Variants in CAST observed in about 807,000 individuals in gnomAD.
The protein encoded by CAST is calpastatin.
In CAST, 76 loss-of-function variants were observed where a neutral mutation model predicts 119.6. That is an observed-to-expected ratio of 0.64 (90% CI 0.53 to 0.77). CAST has a LOEUF of 0.77. CAST is among the 30% of genes least tolerant of loss of function. The pLI, the probability that CAST is intolerant of heterozygous loss-of-function variation, is 0.00. For synonymous variants in CAST, 319 were observed against 331.6 expected, an observed-to-expected ratio of 0.96 and a Z score of 0.41; for missense variants, 953 against 946.5, an observed-to-expected ratio of 1.01 and a Z score of -0.09.
intron 1 of CAST, among the ~76,000 whole-genome samples, chr5:96,648,676 T>A (rs1748053163): frequency 6.6e-6 from 1 of 152,048 alleles, no homozygotes; most frequent in Non-Finnish European, 1.5e-5. Context: ...ACTTAGTACC[T>A]CTGCATTGTG....
At chr5:96,258,354 T>A in the CAST span, among the ~76,000 whole-genome samples, 1 of 152,208 alleles carries the variant, frequency 6.6e-6, no homozygotes, top group Non-Finnish European at 1.5e-5. Flanking sequence ...TATGATAATA[T>A]TTTCATTAAT....
intron 3 of CAST, among the ~76,000 whole-genome samples, chr5:96,718,000 A>T (rs1399001272): frequency 6.6e-6 from 1 of 152,184 alleles, no homozygotes. Context: ...GTGATAGGTG[A>T]TTAGACCTGG....
At chr5:96,691,026 C>T (rs1752664306) in intron 2 of CAST, among the ~76,000 whole-genome samples, 1 of 152,136 alleles carries the variant, frequency 6.6e-6, no homozygotes, top group Non-Finnish European at 1.5e-5. Flanking sequence ...TTACACAAAC[C>T]TAGATGGTAG....
At chr5:96,391,576 T>C in the CAST span, 1 of 152,236 alleles carries the variant, frequency 6.6e-6, no homozygotes. Context: ...TTTTTCCTAA[T>C]GCATTTACAC....
chr5:96,240,735 C>CTTTTTT, the CAST span, among the ~76,000 whole-genome samples: 49 of 102,308 alleles, frequency 4.8e-4, no homozygotes, highest in East Asian at 1.1e-3. Context: ...AGCTAACTTT[C>CTTTTTT]TTTTTTTTTT....
chr5:96,599,984 C>T (rs1580840796), intron 1 of CAST, among the ~76,000 whole-genome samples: 1 of 54,406 alleles, frequency 1.8e-5, no homozygotes, highest in Admixed American at 1.7e-4. Context: ...AAAAAAAAAA[C>T]CCTCAAGCTC....
the CAST span, among the ~76,000 whole-genome samples, chr5:96,437,805 T>G: frequency 6.6e-6 from 1 of 152,330 alleles, no homozygotes; most frequent in South Asian, 2.1e-4. Flanking sequence ...ATGACACTCC[T>G]CTGTGATATT....
At chr5:96,310,383 G>A in the CAST span, among the ~76,000 whole-genome samples, 3 of 152,074 alleles carry the variant, frequency 2.0e-5, no homozygotes, top group Admixed American at 6.6e-5. Context: ...AATATTTTCT[G>A]GTAGCTTTCT....
At chr5:96,196,895 G>A in the CAST span, among the ~76,000 whole-genome samples, 1 of 152,186 alleles carries the variant, frequency 6.6e-6, no homozygotes, top group East Asian at 1.9e-4. Flanking sequence ...CTAGCAGACT[G>A]TTACATTAGT....
chr5:96,737,812 A>T (rs1209463975), intron 10 of CAST, 37 bp from the exon 11 acceptor site: 1 of 1,224,970 alleles, frequency 8.2e-7, no homozygotes, highest in Admixed American at 1.9e-5. Context: ...AATATGTATA[A>T]CAAATAACAT....
intron 1 of CAST, among the ~76,000 whole-genome samples, chr5:96,627,395 T>C (rs1190986225): frequency 6.6e-6 from 1 of 152,220 alleles, no homozygotes; most frequent in Non-Finnish European, 1.5e-5. Flanking sequence ...ACCTTTTATG[T>C]AAAATGACCC....
chr5:96,691,367 T>A (rs1322305957), intron 2 of CAST, among the ~76,000 whole-genome samples: 1 of 136,758 alleles, frequency 7.3e-6, no homozygotes, highest in Non-Finnish European at 1.6e-5. Context: ...TCCAAGTAAC[T>A]TAACAGTATC....
chr5:96,646,015 CAT>C (rs1421672576), intron 1 of CAST, among the ~76,000 whole-genome samples: 2 of 151,964 alleles, frequency 1.3e-5, no homozygotes, highest in Non-Finnish European at 2.9e-5. Context: ...ACTTTATAAA[CAT>C]GTGAAAAGAT....
chr5:96,212,035 T>C, the CAST span, among the ~76,000 whole-genome samples: 1 of 152,132 alleles, frequency 6.6e-6, no homozygotes, highest in Admixed American at 6.5e-5. Flanking sequence ...TTTGTCAGTC[T>C]TGCTAGAGTT....
the CAST span, among the ~76,000 whole-genome samples, chr5:96,452,374 C>T: frequency 6.6e-6 from 1 of 152,056 alleles, no homozygotes; most frequent in Non-Finnish European, 1.5e-5. Flanking sequence ...CCATCATTCT[C>T]AGCAAACTAA....
intron 1 of CAST, among the ~76,000 whole-genome samples, chr5:96,642,543 C>CT (rs35326344): frequency 0.23 from 31,807 of 140,408 alleles, 3,685 homozygotes; most frequent in East Asian, 0.39. Flanking sequence ...CATATAGTTC[C>CT]TTTTTTTTTT....
the CAST span, among the ~76,000 whole-genome samples, chr5:96,470,373 A>G: frequency 6.6e-6 from 1 of 152,058 alleles, no homozygotes; most frequent in East Asian, 1.9e-4. Context: ...ATCATGCACT[A>G]TAGCAGTAAC....
the CAST span, among the ~76,000 whole-genome samples, chr5:96,477,913 T>TGGG: frequency 2.0e-5 from 3 of 152,184 alleles, no homozygotes; most frequent in Admixed American, 1.3e-4. Context: ...AGGTGATAAC[T>TGGG]AGGCCAGAGG....
At chr5:96,272,270 AAAGT>A in the CAST span, among the ~76,000 whole-genome samples, 1 of 152,190 alleles carries the variant, frequency 6.6e-6, no homozygotes, top group Non-Finnish European at 1.5e-5. Flanking sequence ...GTATGTATCA[AAAGT>A]AAGGAAATCA....
Sources: gnomAD v4.1 joint callset for allele counts (sites outside exome capture counted in the v4.1 genomes callset) on GRCh38, gnomAD v4.1.1 for gene constraint, MANE v1.5 for transcripts, NCBI Gene and HGNC (gene_info 2026-07-23, HGNC 2026-07-21) for gene names.